Variants in THSD7A observed in about 807,000 individuals in gnomAD.
THSD7A encodes the protein thrombospondin type-1 domain-containing protein 7A.
Under a neutral mutation model 231.3 loss-of-function variants are expected in THSD7A, and 96 were observed. The observed-to-expected ratio is 0.41, with a 90% confidence interval of 0.35 to 0.49. The LOEUF (loss-of-function observed/expected upper bound fraction) is 0.49, where lower values mean the gene tolerates loss of function less well. THSD7A is among the 20% of genes least tolerant of loss of function. The pLI, the probability that THSD7A is intolerant of heterozygous loss-of-function variation, is 0.05. For synonymous variants in THSD7A, 940 were observed against 743.3 expected, an observed-to-expected ratio of 1.26 and a Z score of -4.30; for missense variants, 2,290 against 2,070.2, an observed-to-expected ratio of 1.11 and a Z score of -2.06.
intron 4 of THSD7A, among the ~76,000 whole-genome samples, chr7:11,546,139 C>A (rs755669700): frequency 1.0e-4 from 15 of 149,472 alleles, no homozygotes; most frequent in Non-Finnish European, 2.2e-4. Flanking sequence ...TGCAGCCTTC[C>A]CCAACCATTG....
In THSD7A at chr7:11,831,530, C is replaced by A. The variant is rs1338942171; in HGVS notation, c.190+227G>T. Among the ~76,000 whole-genome samples the A allele has an allele frequency of 6.6e-6, 1 of 152,154 alleles. No individual in the cohort carries two copies. On this transcript the variant is annotated intron_variant, in intron 1 of 27. Transcript: ENST00000423059. The surrounding 1 kb of genome is among the most constrained non-coding windows in gnomAD (Gnocchi z 5.0). ...GCGCGTTGCCCTCATTACAGAGCTG[C>A]GAGAGAAATATTCCAGCTACTCACT...
At position 11,465,356 on chromosome 7, in the gene THSD7A, T is replaced by G. The variant is rs774597625; in HGVS notation, c.2369-3213A>C. Among the ~76,000 whole-genome samples the G allele has an allele frequency of 4.6e-5, 7 of 152,114 alleles. No individual in the cohort carries two copies. The South Asian group carries it at 8.3e-4, about 18-fold the overall frequency. On this transcript the variant is annotated intron_variant, in intron 9 of 27. Coordinates refer to ENST00000423059, the MANE Select transcript of THSD7A (RefSeq NM_015204.3). ...CAAGTACGCGAAAAATAAGGGCACC[T>G]GCCTGTGACGTTTGTGCTTAAAAAT...
chr7:11,567,732 A>G (rs930523859), intron 4 of THSD7A, among the ~76,000 whole-genome samples: 1 of 152,136 alleles, frequency 6.6e-6, no homozygotes, highest in African/African-American at 2.4e-5. Flanking sequence ...ATTGCAAACC[A>G]CAGCTGTATA....
At chr7:11,550,118 T>C (rs1242419760) in intron 4 of THSD7A, among the ~76,000 whole-genome samples, 4 of 152,208 alleles carry the variant, frequency 2.6e-5, no homozygotes, top group East Asian at 1.9e-4. Context: ...CTCCCAGACC[T>C]GATAAGACAC....
chr7:11,666,251 T>A (rs1343580420), intron 1 of THSD7A, among the ~76,000 whole-genome samples: 1 of 152,128 alleles, frequency 6.6e-6, no homozygotes, highest in Non-Finnish European at 1.5e-5. Context: ...GTGAGATATC[T>A]TGGTGGTAGA....
At chr7:11,767,206 A>G (rs1783057342) in intron 1 of THSD7A, among the ~76,000 whole-genome samples, 1 of 152,184 alleles carries the variant, frequency 6.6e-6, no homozygotes, top group Non-Finnish European at 1.5e-5. Context: ...AGAAAATTCA[A>G]TTTAAAAATA....
chr7:11,453,952 A>C (rs1313983026), intron 11 of THSD7A, among the ~76,000 whole-genome samples: 1 of 152,030 alleles, frequency 6.6e-6, no homozygotes, highest in Non-Finnish European at 1.5e-5. Context: ...TTACATAGCC[A>C]CTGACCAATA....
intron 1 of THSD7A, among the ~76,000 whole-genome samples, chr7:11,760,614 A>AC (rs1782824336): frequency 6.6e-6 from 1 of 152,108 alleles, no homozygotes; most frequent in African/African-American, 2.4e-5. Context: ...TATAGCCTCT[A>AC]GGCTCACATA....
intron 2 of THSD7A, among the ~76,000 whole-genome samples, chr7:11,607,294 C>G (rs1780765404): frequency 6.6e-6 from 1 of 152,000 alleles, no homozygotes; most frequent in African/African-American, 2.4e-5. Context: ...TTACTTATAG[C>G]AAGACAGAGG....
intron 1 of THSD7A, among the ~76,000 whole-genome samples, chr7:11,665,028 CCACAGGTAA>C (rs1477430792): frequency 6.6e-6 from 1 of 152,006 alleles, no homozygotes; most frequent in African/African-American, 2.4e-5. Context: ...GATACCAATT[CCACAGGTAA>C]CACAGCATCA....
At chr7:11,485,030 A>G (rs1034994767) in intron 6 of THSD7A, among the ~76,000 whole-genome samples, 12 of 151,572 alleles carry the variant, frequency 7.9e-5, no homozygotes, top group Non-Finnish European at 1.8e-4. Context: ...AGCTGGGACT[A>G]CAGGCATGCA....
chr7:11,536,835 C>T (rs1050394528), intron 6 of THSD7A, among the ~76,000 whole-genome samples: 2 of 149,654 alleles, frequency 1.3e-5, no homozygotes, highest in African/African-American at 5.0e-5. Flanking sequence ...TTTTTCTATT[C>T]CTGGCATGCT....
chr7:11,511,687 G>A (rs891540105), intron 6 of THSD7A, among the ~76,000 whole-genome samples: 1 of 152,144 alleles, frequency 6.6e-6, no homozygotes, highest in African/African-American at 2.4e-5. Flanking sequence ...ATGGGGAAAG[G>A]ATTCCCTATT....
intron 2 of THSD7A, among the ~76,000 whole-genome samples, chr7:11,615,212 G>A (rs1242063666): frequency 1.3e-5 from 2 of 152,164 alleles, no homozygotes; most frequent in African/African-American, 4.8e-5. Flanking sequence ...AAACACAACT[G>A]TATGCAACCA....
Position 11,373,169 on chromosome 7 carries a change from T to C in THSD7A, c.*2625A>G, listed in dbSNP as rs1367457323. 6.6e-6 allele frequency: 1 copy of C among 152,016 alleles called. No homozygotes were observed. The highest frequency in any genetic ancestry group is 6.6e-5 in the Admixed American group (1 of 15,214). 9.4% of individuals were successfully genotyped at this position (152,016 alleles called of 1,614,324 possible). A position where few individuals can be genotyped will look rare whatever the true frequency, so the allele number is the denominator to read the frequency against. ...ATAACATTCTATAATTTTGATTTGC[T>C]AATTTAATTCTTATAGGTAGGATGA... On this transcript the variant is annotated 3_prime_UTR_variant, in exon 28 of 28. Coordinates refer to ENST00000423059, the MANE Select transcript of THSD7A (RefSeq NM_015204.3).
intron 4 of THSD7A, among the ~76,000 whole-genome samples, chr7:11,577,000 G>A (rs1790940151): frequency 6.6e-6 from 1 of 152,142 alleles, no homozygotes; most frequent in Non-Finnish European, 1.5e-5. Flanking sequence ...TCAAAAACAA[G>A]GCATTGAGTC....
intron 23 of THSD7A, chr7:11,384,370 TAATTTA>T (rs1374232759): frequency 6.6e-6 from 1 of 151,708 alleles, no homozygotes; most frequent in African/African-American, 2.4e-5. Context: ...TTTTAAATTT[TAATTTA>T]AAGAAATTTA....
At position 11,411,312 on chromosome 7, in the gene THSD7A, T is replaced by C; in HGVS notation, c.3693A>G (p.Thr1231=). 6.2e-7 allele frequency: 1 copy of C among 1,612,682 alleles called. No individual in the cohort carries two copies. The highest frequency in any genetic ancestry group is 8.5e-7 in the Non-Finnish European group (1 of 1,178,938). The change falls in exon 19 of 28, where the codon ACA becomes ACG. Residue 1231 remains threonine (T), a synonymous_variant. Transcript: ENST00000423059. The surrounding 1 kb of genome is among the most constrained non-coding windows in gnomAD (Gnocchi z 4.1). The stretch of plus-strand genomic sequence containing the variant: ...AAACTGCCTTCTCACTCAGCTGACA[T>C]GTACTCCAGTCTGAAAAAAAGGGAA... ...HYDYNVTDWS[T]CQLSEKAVCG... is the part of the protein sequence containing the mutation.
At chr7:11,555,343 T>C (rs975090504) in intron 4 of THSD7A, among the ~76,000 whole-genome samples, 3 of 152,030 alleles carry the variant, frequency 2.0e-5, no homozygotes, top group Non-Finnish European at 2.9e-5. Flanking sequence ...CACACATTGA[T>C]TGTTTAGAAG....
Sources: gnomAD v4.1 joint callset for allele counts (sites outside exome capture counted in the v4.1 genomes callset) on GRCh38, gnomAD v4.1.1 for gene constraint, Gnocchi (gnomAD v3.1) non-coding constraint, MANE v1.5 for transcripts, NCBI Gene and HGNC (gene_info 2026-07-23, HGNC 2026-07-21) for gene names.